Variants in ZC3H12B observed in about 807,000 individuals in gnomAD.
The protein encoded by ZC3H12B is probable ribonuclease ZC3H12B.
A neutral mutation model predicts 43.9 loss-of-function variants in ZC3H12B; 7 were observed. The ratio of observed to expected loss-of-function variants is 0.16; its 90% confidence interval spans 0.09 to 0.30. The LOEUF (loss-of-function observed/expected upper bound fraction) is 0.30. Ranked by LOEUF, ZC3H12B falls within the 10% of genes least tolerant of loss-of-function variation. The pLI is 1.00. For missense variants in ZC3H12B, 475 were observed against 670.2 expected (o/e 0.71, Z 3.22); for synonymous variants, 222 against 241.7 (o/e 0.92, Z 0.76).
chrX:65,135,745 G>GTTTTTT, the ZC3H12B span, among the ~76,000 whole-genome samples: 2 of 75,729 alleles, frequency 2.6e-5, no homozygotes, highest in African/African-American at 1.1e-4. Context: ...CTATTTGTTT[G>GTTTTTT]TTTTCTTTTT....
At chrX:65,404,320 C>A (rs1018225720) in intron 3 of ZC3H12B, among the ~76,000 whole-genome samples, 5 of 107,082 alleles carry the variant, frequency 4.7e-5, no homozygotes, top group African/African-American at 1.9e-4. Context: ...AAAGAAATAA[C>A]GCCAAAAAAC....
At chrX:65,292,571 C>T in the ZC3H12B span, among the ~76,000 whole-genome samples, 1 of 110,362 alleles carries the variant, frequency 9.1e-6, no homozygotes, top group Non-Finnish European at 1.9e-5. Context: ...ACTACTCTGG[C>T]ACATATTTAC....
At chrX:65,477,267 G>T (rs2068005541) in intron 3 of ZC3H12B, among the ~76,000 whole-genome samples, 1 of 109,664 alleles carries the variant, frequency 9.1e-6, no homozygotes, top group South Asian at 4.0e-4. Context: ...TAAATCTGAG[G>T]CAGGGATTGA....
the ZC3H12B span, among the ~76,000 whole-genome samples, chrX:65,049,500 T>G: frequency 9.0e-6 from 1 of 111,559 alleles, no homozygotes; most frequent in Admixed American, 9.6e-5. Flanking sequence ...CGTTTGTTTT[T>G]GGGCTCACTA....
chrX:65,159,451 G>A, the ZC3H12B span, among the ~76,000 whole-genome samples: 1 of 111,529 alleles, frequency 9.0e-6, no homozygotes, highest in Non-Finnish European at 1.9e-5. Flanking sequence ...TTGAGCAGTG[G>A]TCTGTAGTTC....
At chrX:65,246,056 T>C in the ZC3H12B span, among the ~76,000 whole-genome samples, 3 of 111,943 alleles carry the variant, frequency 2.7e-5, no homozygotes, top group Non-Finnish European at 5.6e-5. Flanking sequence ...ATAAAAACTT[T>C]AGCAAAATCT....
the ZC3H12B span, among the ~76,000 whole-genome samples, chrX:65,257,193 G>T: frequency 2.7e-5 from 3 of 111,947 alleles, no homozygotes; most frequent in Admixed American, 2.8e-4. Context: ...GCAAAGACTT[G>T]GAACCAACCC....
chrX:65,359,801 G>A, the ZC3H12B span, among the ~76,000 whole-genome samples: 1 of 111,875 alleles, frequency 8.9e-6, no homozygotes, highest in Non-Finnish European at 1.9e-5. Flanking sequence ...GTGGCGGTGG[G>A]GTTTGAGAAC....
At chrX:65,474,037 G>A (rs1414745586) in intron 3 of ZC3H12B, among the ~76,000 whole-genome samples, 3 of 111,519 alleles carry the variant, frequency 2.7e-5, no homozygotes, top group Non-Finnish European at 5.6e-5. Context: ...TTTTCTGTCT[G>A]AATGCTGTAT....
the ZC3H12B span, among the ~76,000 whole-genome samples, chrX:65,327,834 A>G: frequency 8.9e-6 from 1 of 111,902 alleles, no homozygotes; most frequent in Non-Finnish European, 1.9e-5. Context: ...ACGAGCTATA[A>G]CCCCTTTTAT....
At chrX:65,356,005 G>T in the ZC3H12B span, among the ~76,000 whole-genome samples, 2 of 111,750 alleles carry the variant, frequency 1.8e-5, no homozygotes, top group Non-Finnish European at 1.9e-5. Context: ...CTTTCAAAAA[G>T]CACACTAACC....
At chrX:65,416,917 T>C (rs2066969302) in intron 3 of ZC3H12B, among the ~76,000 whole-genome samples, 1 of 112,305 alleles carries the variant, frequency 8.9e-6, no homozygotes, top group African/African-American at 3.2e-5. Flanking sequence ...TTGATATTTA[T>C]TGCCTGACTA....
At chrX:65,504,283 G>A (rs1342023813) in exon 5 of ZC3H12B, 1 of 112,347 alleles carries the variant, frequency 8.9e-6, no homozygotes, top group Non-Finnish European at 1.9e-5. Context: ...TTCGTCTATA[G>A]CTGTATAGGT....
the ZC3H12B span, among the ~76,000 whole-genome samples, chrX:65,064,077 ATTTTGTTAATCTT>A: frequency 9.0e-6 from 1 of 111,472 alleles, no homozygotes; most frequent in East Asian, 2.8e-4. Flanking sequence ...CTAGCAGTCT[ATTTTGTTAATCTT>A]TTCAAAAAAC....
the ZC3H12B span, among the ~76,000 whole-genome samples, chrX:65,041,696 C>T: frequency 8.9e-6 from 1 of 112,177 alleles, no homozygotes; most frequent in Non-Finnish European, 1.9e-5. Flanking sequence ...AAAAGTTACA[C>T]TTAGTAGTCT....
upstream of ZC3H12B, among the ~76,000 whole-genome samples, chrX:65,365,938 G>T (rs2066169856): frequency 9.1e-6 from 1 of 109,443 alleles, no homozygotes; most frequent in South Asian, 4.0e-4. Context: ...CAACCCTCCT[G>T]CACCCAGGGG....
the ZC3H12B span, among the ~76,000 whole-genome samples, chrX:65,317,180 A>G: frequency 7.2e-5 from 8 of 110,616 alleles, no homozygotes; most frequent in African/African-American, 2.6e-4. Flanking sequence ...ACTTAGCCAC[A>G]AAATAGTAGT....
At chrX:65,080,813 A>G in the ZC3H12B span, among the ~76,000 whole-genome samples, 1 of 111,859 alleles carries the variant, frequency 8.9e-6, no homozygotes, top group African/African-American at 3.2e-5. Context: ...TAGTAAGTAC[A>G]CAGAAAAACA....
chrX:65,196,392 G>T, the ZC3H12B span, among the ~76,000 whole-genome samples: 2 of 111,466 alleles, frequency 1.8e-5, no homozygotes, highest in African/African-American at 6.5e-5. Flanking sequence ...GCCCACTCGA[G>T]GTTACCAAAT....
Sources: allele counts gnomAD v4.1 joint callset (sites outside exome capture counted in the v4.1 genomes callset), GRCh38; gene constraint gnomAD v4.1.1; transcripts MANE v1.5; gene names NCBI Gene and HGNC (gene_info 2026-07-23, HGNC 2026-07-21).